DLG2: variants seen among roughly 807,000 people sequenced by gnomAD.
DLG2 encodes the protein disks large homolog 2.
In DLG2, 45 loss-of-function variants were observed where a neutral mutation model predicts 132.5. That is an observed-to-expected ratio of 0.34 (90% CI 0.27 to 0.44). The LOEUF is 0.44. DLG2 is among the 20% of genes least tolerant of loss of function. DLG2 has a pLI of 1.00. For synonymous variants in DLG2, 424 were observed against 419.6 expected (o/e 1.01, Z -0.13); for missense variants, 1,045 against 1,196.9 (o/e 0.87, Z 1.87).
chr11:84,250,333 T>C (rs1344310684), intron 8 of DLG2, among the ~76,000 whole-genome samples: 2 of 152,212 alleles, frequency 1.3e-5, no homozygotes, highest in African/African-American at 4.8e-5. Context: ...GATTTGAGGC[T>C]GTGGGCTAAA....
At chr11:83,497,700 T>A (rs1173430998) in intron 21 of DLG2, among the ~76,000 whole-genome samples, 1 of 152,134 alleles carries the variant, frequency 6.6e-6, no homozygotes, top group Non-Finnish European at 1.5e-5. Context: ...TTACTAGTAA[T>A]AAAAATGAGG....
intron 11 of DLG2, among the ~76,000 whole-genome samples, chr11:84,048,147 T>TTAATAA (rs200342146): frequency 1.2e-3 from 183 of 150,798 alleles, no homozygotes; most frequent in African/African-American, 3.8e-3. Flanking sequence ...TGTCCTTCAT[T>TTAATAA]TAATAATAAT....
At chr11:84,754,747 T>C (rs2066634581) in intron 6 of DLG2, among the ~76,000 whole-genome samples, 1 of 152,160 alleles carries the variant, frequency 6.6e-6, no homozygotes, top group African/African-American at 2.4e-5. Context: ...ACCCACAGAA[T>C]GTGCAAAACC....
rs140829108 is a variant in DLG2 at position 83,655,992 on chromosome 11, T to C, written c.1826-22667A>G. ...CAGTAGGAATTCTGCAGGTGCAACTTGAGCCTTCTAGGAAAGGCTGTGCCA... is the reference window on the plus strand; with the variant it reads ...CAGTAGGAATTCTGCAGGTGCAACTCGAGCCTTCTAGGAAAGGCTGTGCCA... On this transcript the variant is annotated intron_variant, in intron 18 of 27. Coordinates refer to ENST00000376104, the MANE Select transcript of DLG2 (RefSeq NM_001142699.3). 3.5e-3 allele frequency among the ~76,000 whole-genome samples: 540 copies of C among 152,332 alleles called. 3 individuals carry two copies. Among genetic ancestry groups the C allele is most frequent in the African/African-American group, 0.013 (522 of 41,572 alleles).
At chr11:84,302,523 G>A (rs150816291) in intron 7 of DLG2, among the ~76,000 whole-genome samples, 6 of 152,040 alleles carry the variant, frequency 3.9e-5, no homozygotes, top group East Asian at 1.9e-4. Context: ...CTGTGAGCAC[G>A]TGTCAATAAA....
intron 6 of DLG2, among the ~76,000 whole-genome samples, chr11:84,903,120 G>C (rs1339042836): frequency 6.6e-6 from 1 of 152,018 alleles, no homozygotes; most frequent in Non-Finnish European, 1.5e-5. Flanking sequence ...AATCTGGTCA[G>C]AACACTCCTC....
intron 21 of DLG2, among the ~76,000 whole-genome samples, chr11:83,500,656 A>AT (rs11456611): frequency 0.2 from 30,799 of 151,752 alleles, 3,359 homozygotes; most frequent in Non-Finnish European, 0.22. Flanking sequence ...TCATTTATTT[A>AT]TTTATTTTAT....
At chr11:84,583,960 T>C (rs1238553790) in intron 6 of DLG2, among the ~76,000 whole-genome samples, 1 of 152,200 alleles carries the variant, frequency 6.6e-6, no homozygotes, top group Non-Finnish European at 1.5e-5. Flanking sequence ...CTCCTGTTGA[T>C]ATAAATTTGT....
chr11:84,240,494 G>C (rs999782959), intron 8 of DLG2, among the ~76,000 whole-genome samples: 1 of 152,072 alleles, frequency 6.6e-6, no homozygotes, highest in African/African-American at 2.4e-5. Flanking sequence ...GTATATGGTT[G>C]AATCAAAAGA....
intron 16 of DLG2, among the ~76,000 whole-genome samples, chr11:83,867,275 T>C (rs984674361): frequency 1.3e-5 from 2 of 152,086 alleles, no homozygotes; most frequent in Non-Finnish European, 2.9e-5. Context: ...AGTGTCTTAA[T>C]CCATAAAGTG....
At chr11:84,483,430 CAAA>C (rs56086759) in intron 7 of DLG2, among the ~76,000 whole-genome samples, 6 of 90,176 alleles carry the variant, frequency 6.7e-5, no homozygotes, top group East Asian at 3.4e-4. Flanking sequence ...GACTCCGCCT[CAAA>C]AAAAAAAAAA....
intron 6 of DLG2, among the ~76,000 whole-genome samples, chr11:84,728,270 A>G (rs1397908404): frequency 1.3e-5 from 2 of 152,098 alleles, no homozygotes; most frequent in East Asian, 1.9e-4. Context: ...TTCCATTGAT[A>G]CCTAGTTTAT....
chr11:83,799,932 A>C (rs2043900220), intron 17 of DLG2, among the ~76,000 whole-genome samples: 1 of 152,198 alleles, frequency 6.6e-6, no homozygotes, highest in East Asian at 1.9e-4. Context: ...CTTGATATAC[A>C]AGATGGGGAT....
chr11:83,751,184 A>G (rs1566819526), intron 18 of DLG2, among the ~76,000 whole-genome samples: 1 of 152,220 alleles, frequency 6.6e-6, no homozygotes, highest in Non-Finnish European at 1.5e-5. Context: ...GGTTATGCAG[A>G]TACTTTCAGA....
intron 7 of DLG2, among the ~76,000 whole-genome samples, chr11:84,285,487 T>C (rs989040256): frequency 2.0e-5 from 3 of 152,222 alleles, no homozygotes; most frequent in African/African-American, 7.2e-5. Context: ...TTCTTCTGCC[T>C]CAAATCTTCT....
chr11:84,905,963 C>T (rs765721798), intron 6 of DLG2, among the ~76,000 whole-genome samples: 1 of 152,092 alleles, frequency 6.6e-6, no homozygotes, highest in Non-Finnish European at 1.5e-5. Context: ...GCAAATCACA[C>T]CAATGATTAA....
At chr11:83,776,573 C>T (rs1165446400) in intron 18 of DLG2, among the ~76,000 whole-genome samples, 3 of 152,164 alleles carry the variant, frequency 2.0e-5, no homozygotes, top group Non-Finnish European at 4.4e-5. Flanking sequence ...CAGCCTCAGG[C>T]CTAAAACCTT....
At position 83,714,777 on chromosome 11, in the gene DLG2, GGTTT is replaced by G. The variant is rs2086299101; in HGVS notation, c.1825+71909_1825+71912del. ...CTAGGGTACATGTGCACAGCATGCA[GGTTT>G]GTTACATAGGTACACGTGTGCCACG... On this transcript the variant is annotated intron_variant, in intron 18 of 27. Transcript: ENST00000376104. Among the ~76,000 whole-genome samples the G allele has an allele frequency of 3.3e-5, 5 of 152,274 alleles. No individual in the cohort carries two copies. In the South Asian group the frequency reaches 6.2e-4, roughly 19 times the overall value.
intron 3 of DLG2, among the ~76,000 whole-genome samples, chr11:85,404,381 A>G (rs1356332939): frequency 1.3e-5 from 2 of 152,048 alleles, no homozygotes; most frequent in Non-Finnish European, 2.9e-5. Context: ...AAAAGGAACA[A>G]GAATTAATTT....
Sources: allele counts gnomAD v4.1 joint callset (sites outside exome capture counted in the v4.1 genomes callset), GRCh38; gene constraint gnomAD v4.1.1; transcripts MANE v1.5; gene names NCBI Gene and HGNC (gene_info 2026-07-23, HGNC 2026-07-21).